HOXC5: variants seen among roughly 807,000 people sequenced by gnomAD.
HOXC5 encodes the protein homeobox C5, also known as homeobox protein Hox-C5.
Under a neutral mutation model 20.1 loss-of-function variants are expected in HOXC5, and 19 were observed. That is an observed-to-expected ratio of 0.94 (90% CI 0.66 to 1.38). The LOEUF (loss-of-function observed/expected upper bound fraction) is 1.38. HOXC5 is among the 40% of genes most tolerant of loss of function. The pLI is 0.00. For synonymous variants in HOXC5, 124 were observed against 117.0 expected (o/e 1.06, Z -0.39); for missense variants, 330 against 300.1 (o/e 1.10, Z -0.74).
the HOXC5 span, among the ~76,000 whole-genome samples, chr12:54,024,413 C>G: frequency 6.6e-6 from 1 of 152,164 alleles, no homozygotes; most frequent in Non-Finnish European, 1.5e-5. Flanking sequence ...GTATGTGTAT[C>G]TGTGTGCGAG....
chr12:54,021,909 C>T, the HOXC5 span: 2 of 152,460 alleles, frequency 1.3e-5, no homozygotes, highest in Admixed American at 6.5e-5. Context: ...ACTCCCTCCC[C>T]TTTCCAGCAA....
the HOXC5 span, chr12:54,019,874 C>G: frequency 4.6e-5 from 7 of 152,146 alleles, no homozygotes; most frequent in African/African-American, 1.7e-4. Context: ...CTCCCCCACC[C>G]CCATCCTATG....
chr12:54,026,926 T>C, the HOXC5 span, among the ~76,000 whole-genome samples: 1 of 150,358 alleles, frequency 6.7e-6, no homozygotes, highest in Non-Finnish European at 1.5e-5. Flanking sequence ...GTTCTTGTTA[T>C]AGCCAGCTTT....
chr12:54,034,036 C>G (rs752458105), intron 1 of HOXC5: 2 of 694,048 alleles, frequency 2.9e-6, no homozygotes, highest in Non-Finnish European at 5.4e-6. Context: ...CCTCTTCCCC[C>G]CAACCCCCCC....
chr12:54,029,965 A>G, upstream of HOXC5: 1 of 1,546,050 alleles, frequency 6.5e-7, no homozygotes, highest in South Asian at 1.2e-5. Context: ...AAGAGTGACC[A>G]GGACTGTCCC....
chr12:54,018,560 C>T, the HOXC5 span, among the ~76,000 whole-genome samples: 2 of 152,228 alleles, frequency 1.3e-5, no homozygotes, highest in African/African-American at 4.8e-5. Flanking sequence ...CTTAACCCGA[C>T]GCATATGGTT....
At position 54,034,746 on chromosome 12, in the gene HOXC5, C is replaced by G. The variant is rs527607749; in HGVS notation, c.*254C>G. 205 of 508,298 alleles carry G rather than the reference C, an allele frequency of 4.0e-4. No individual in the cohort carries two copies. Among genetic ancestry groups the G allele is most frequent in the African/African-American group, 3.6e-3 (185 of 51,978 alleles). 31.5% of individuals were successfully genotyped at this position (508,298 alleles called of 1,614,324 possible). A position where few individuals can be genotyped will look rare whatever the true frequency, so the allele number is the denominator to read the frequency against. On this transcript the variant is annotated 3_prime_UTR_variant, in exon 2 of 2. Coordinates refer to ENST00000312492, the MANE Select transcript of HOXC5 (RefSeq NM_018953.4). Reference sequence around the variant, plus strand: ...GGTACCCGGGGCCCAGGGCAAGCTCCGCAGGACTTCCCCGGAGGGCTGCGG... The same window carrying G: ...GGTACCCGGGGCCCAGGGCAAGCTCGGCAGGACTTCCCCGGAGGGCTGCGG...
chr12:54,034,610 C>T lies in HOXC5; in HGVS notation c.*118C>T. The T allele has an allele frequency of 1.2e-6, 1 of 803,990 alleles. No homozygotes were observed. The highest frequency in any genetic ancestry group is 2.0e-6 in the Non-Finnish European group (1 of 508,998). 49.8% of individuals were successfully genotyped at this position (803,990 alleles called of 1,614,324 possible). A position where few individuals can be genotyped will look rare whatever the true frequency, so the allele number is the denominator to read the frequency against. ...GGGCAGGTGCTGGAGCACTGGGCTCCCGGGCCCCACAGACAAAAGCGCTTT... is the reference window on the plus strand; with the variant it reads ...GGGCAGGTGCTGGAGCACTGGGCTCTCGGGCCCCACAGACAAAAGCGCTTT... On this transcript the variant is annotated 3_prime_UTR_variant, in exon 2 of 2. Coordinates refer to ENST00000312492, the MANE Select transcript of HOXC5 (RefSeq NM_018953.4).
At chr12:54,029,145 C>A (rs929515341), upstream of HOXC5, among the ~76,000 whole-genome samples, 1 of 151,816 alleles carries the variant, frequency 6.6e-6, no homozygotes, top group African/African-American at 2.4e-5. Context: ...GGCCCCAAGG[C>A]GGGCTGAGGG....
chr12:54,031,359 G>C (rs911469154), upstream of HOXC5, among the ~76,000 whole-genome samples: 3 of 152,214 alleles, frequency 2.0e-5, no homozygotes, highest in African/African-American at 7.2e-5. Context: ...GAGCCCTGTC[G>C]GCAGGGATTG....
chr12:54,030,022 C>T, upstream of HOXC5: 10 of 1,375,644 alleles, frequency 7.3e-6, no homozygotes, highest in South Asian at 1.3e-4. Context: ...CAACTCTCCC[C>T]TAATCACACA....
chr12:54,032,098 G>A (rs1941007186), upstream of HOXC5, among the ~76,000 whole-genome samples: 1 of 152,182 alleles, frequency 6.6e-6, no homozygotes, highest in African/African-American at 2.4e-5. Context: ...TACCACATAA[G>A]GATCGCACAC....
At chr12:54,028,780 T>A, upstream of HOXC5, 8 of 1,614,168 alleles carry the variant, frequency 5.0e-6, no homozygotes, top group Non-Finnish European at 6.8e-6. Context: ...GCTCTCAAAC[T>A]GCAGACAAAA....
upstream of HOXC5, chr12:54,030,445 A>G (rs1289685934): frequency 6.6e-6 from 1 of 152,632 alleles, no homozygotes; most frequent in Non-Finnish European, 1.5e-5. Context: ...ACCAACCCCC[A>G]GGGCCTCCCC....
chr12:54,028,856 C>A (rs879224445), upstream of HOXC5: 8 of 1,613,864 alleles, frequency 5.0e-6, no homozygotes, highest in Middle Eastern at 1.6e-4. Flanking sequence ...GGCAGGACTG[C>A]GCCCCAGGAC....
chr12:54,034,150 G>A, intron 1 of HOXC5, 128 bp from the exon 2 acceptor site: 1 of 910,704 alleles, frequency 1.1e-6, no homozygotes, highest in Non-Finnish European at 1.8e-6. Flanking sequence ...TGCGGCCCGC[G>A]TGGCCTGTCT....
chr12:54,029,743 T>C, upstream of HOXC5: 1 of 1,614,178 alleles, frequency 6.2e-7, no homozygotes, highest in Non-Finnish European at 8.5e-7. Flanking sequence ...TTCACTTCAA[T>C]CGCTACCTAA....
At position 54,034,589 on chromosome 12, in the gene HOXC5, A is replaced by G. The variant is rs1941131566; in HGVS notation, c.*97A>G. On this transcript the variant is annotated 3_prime_UTR_variant, in exon 2 of 2. Coordinates refer to ENST00000312492, the MANE Select transcript of HOXC5 (RefSeq NM_018953.4). ...CCTCTCTATATTTCGGGTCGGGGGC[A>G]GGTGCTGGAGCACTGGGCTCCCGGG... is the stretch of plus-strand genomic sequence containing the variant. 9.9e-6 allele frequency: 10 copies of G among 1,012,236 alleles called. No homozygotes were observed. In the Admixed American group the frequency reaches 2.0e-4, roughly 21 times the overall value. The allele number at this position is 1,012,236 out of a possible 1,614,324, so 62.7% of individuals were successfully genotyped here. A position where few individuals can be genotyped will look rare whatever the true frequency, so the allele number is the denominator to read the frequency against.
rs1941108832 is a variant in HOXC5, at chr12:54,034,153, G to A, written c.455-125G>A. On this transcript the variant is annotated intron_variant, in intron 1 of 1. Coordinates refer to ENST00000312492, the MANE Select transcript of HOXC5 (RefSeq NM_018953.4). Reference sequence around the variant, plus strand: ...GGCTGGCCCGCCTGCGGCCCGCGTGGCCTGTCTTGCGGCTCTCGCCTCCTC... The same window carrying A: ...GGCTGGCCCGCCTGCGGCCCGCGTGACCTGTCTTGCGGCTCTCGCCTCCTC... The A allele has an allele frequency of 2.8e-5, 26 of 938,036 alleles. No homozygotes were observed. In the South Asian group the frequency reaches 3.3e-4, roughly 12 times the overall value. 58.1% of individuals were successfully genotyped at this position (938,036 alleles called of 1,614,324 possible). A position where few individuals can be genotyped will look rare whatever the true frequency, so the allele number is the denominator to read the frequency against.
Sources: allele counts gnomAD v4.1 joint callset (sites outside exome capture counted in the v4.1 genomes callset), GRCh38; gene constraint gnomAD v4.1.1; transcripts MANE v1.5; gene names NCBI Gene and HGNC (gene_info 2026-07-23, HGNC 2026-07-21).